APLP2: variants seen among roughly 807,000 people sequenced by gnomAD.
The protein encoded by APLP2 is CDEI box-binding protein.
APLP2 carries 53 observed loss-of-function variants against 89.9 expected under a neutral mutation model. The observed-to-expected ratio is 0.59, with a 90% CI of 0.47 to 0.74. The LOEUF (loss-of-function observed/expected upper bound fraction) is 0.74, where lower values mean the gene tolerates loss of function less well. Ranked by LOEUF, APLP2 falls within the 30% of genes least tolerant of loss-of-function variation. The pLI is 0.00. For synonymous variants in APLP2, 372 were observed against 348.6 expected, an observed-to-expected ratio of 1.07 and a Z score of -0.75; for missense variants, 973 against 975.9, an observed-to-expected ratio of 1.00 and a Z score of 0.04.
In APLP2 at chr11:130,110,216, A is replaced by G. The variant is rs531003527; in HGVS notation, c.280-322A>G. 3.3e-5 allele frequency among the ~76,000 whole-genome samples: 5 copies of G among 152,344 alleles called. No homozygotes were observed. In the South Asian group the frequency reaches 1.0e-3, roughly 32 times the overall value. On this transcript the variant is annotated intron_variant, in intron 2 of 16. Coordinates refer to ENST00000338167, the MANE Select transcript of APLP2 (RefSeq NM_001142276.2). ...CATAGACTTGCCTCACGGAGCCATC[A>G]GTTCAACAGCTACCCTACAAGCAAA...
intron 1 of APLP2, among the ~76,000 whole-genome samples, chr11:130,107,982 TA>T (rs1948020747): frequency 6.6e-6 from 1 of 152,220 alleles, no homozygotes; most frequent in Non-Finnish European, 1.5e-5. Context: ...CCCTATTTAA[TA>T]AATGGTGCTG....
chr11:130,093,133 C>G (rs771844108), intron 1 of APLP2, among the ~76,000 whole-genome samples: 7 of 152,150 alleles, frequency 4.6e-5, no homozygotes, highest in Non-Finnish European at 1.0e-4. Flanking sequence ...CTAACCAGGC[C>G]CGGGGCAGAG....
intron 1 of APLP2, 22 bp downstream of exon 1, chr11:130,070,104 G>A: frequency 7.3e-7 from 1 of 1,367,184 alleles, no homozygotes; most frequent in East Asian, 3.1e-5. Flanking sequence ...GCGAACGCCG[G>A]AGAGTCGTCT....
Position 130,104,242 on chromosome 11 carries a change from T to G in APLP2, c.106-5187T>G, listed in dbSNP as rs1947348116. ...TTTTTTTTTTTTTTTTTGAGACAGA[T>G]TCTCTGTCTCTGTTGCCCAGTCTGG... On this transcript the variant is annotated intron_variant, in intron 1 of 16. Coordinates refer to ENST00000338167, the MANE Select transcript of APLP2 (RefSeq NM_001142276.2). Among the ~76,000 whole-genome samples, 3 of 131,328 alleles carry G rather than the reference T, an allele frequency of 2.3e-5. No homozygotes were observed. The South Asian group carries it at 7.4e-4, about 33-fold the overall frequency. The allele number at this position is 131,328 out of a possible 152,430, so 86.2% of individuals were successfully genotyped here.
chr11:130,122,202 T>C (rs1051964122), intron 5 of APLP2, 103 bp from the exon 6 acceptor site: 2 of 1,378,190 alleles, frequency 1.5e-6, no homozygotes, highest in African/African-American at 2.9e-5. Context: ...GTTGAGCTTA[T>C]TTCCTGCCTC....
At chr11:130,099,550 G>A (rs1057349952) in intron 1 of APLP2, among the ~76,000 whole-genome samples, 1 of 152,176 alleles carries the variant, frequency 6.6e-6, no homozygotes, top group African/African-American at 2.4e-5. Flanking sequence ...CCAAGTCCCG[G>A]AAGCTGGGCT....
intron 1 of APLP2, among the ~76,000 whole-genome samples, chr11:130,078,570 A>G (rs1457805331): frequency 6.6e-6 from 1 of 152,050 alleles, no homozygotes; most frequent in African/African-American, 2.4e-5. Flanking sequence ...ATAGTCTCCT[A>G]TATTGTCAAT....
At chr11:130,122,279 T>A in intron 5 of APLP2, 26 bp from the exon 6 acceptor site, 1 of 1,612,920 alleles carries the variant, frequency 6.2e-7, no homozygotes, top group Non-Finnish European at 8.5e-7. Flanking sequence ...CTATTAACCT[T>A]CCTTTTTTTC....
intron 7 of APLP2, among the ~76,000 whole-genome samples, chr11:130,126,173 A>C (rs1950346516): frequency 6.6e-6 from 1 of 152,218 alleles, no homozygotes. Context: ...TTCTCTACCC[A>C]GCGTATATGC....
chr11:130,101,947 C>A (rs1351005080), intron 1 of APLP2: 1 of 456,218 alleles, frequency 2.2e-6, no homozygotes, highest in Admixed American at 2.3e-5. Flanking sequence ...CTGTTGCAGT[C>A]CCCGGTCTTT....
chr11:130,081,770 T>G (rs536088290), intron 1 of APLP2, among the ~76,000 whole-genome samples: 18 of 152,328 alleles, frequency 1.2e-4, no homozygotes, highest in African/African-American at 3.6e-4. Context: ...ACTGCCTATT[T>G]TGTAATTTAT....
At chr11:130,121,927 G>C (rs1591824997) in intron 5 of APLP2, 117 bp downstream of exon 5, 1 of 1,450,672 alleles carries the variant, frequency 6.9e-7, no homozygotes, top group East Asian at 2.3e-5. Context: ...CCTTTGTTCT[G>C]CTAGAGTTGA....
At chr11:130,115,583 A>G (rs998109139) in intron 3 of APLP2, among the ~76,000 whole-genome samples, 1 of 152,264 alleles carries the variant, frequency 6.6e-6, no homozygotes, top group East Asian at 1.9e-4. Flanking sequence ...TTCATTGATC[A>G]GCAAAAACAG....
intron 1 of APLP2, among the ~76,000 whole-genome samples, chr11:130,074,224 TTTC>T (rs1334376001): frequency 6.6e-6 from 1 of 152,174 alleles, no homozygotes; most frequent in African/African-American, 2.4e-5. Context: ...TTGTTTTGTT[TTTC>T]TTTTTTGAGT....
Position 130,101,556 on chromosome 11 carries a change from C to CT in APLP2, c.106-7873_106-7872insT, listed in dbSNP as rs1195796506. ...ATTTTACTTACTAGTTGTGCTACCT[C>CT]AAATTGTGTGTTCTCTTTTTGACAG... On this transcript the variant is annotated intron_variant, in intron 1 of 16. Coordinates refer to ENST00000338167, the MANE Select transcript of APLP2 (RefSeq NM_001142276.2). 9 of 163,276 alleles carry CT rather than the reference C, an allele frequency of 5.5e-5. No individual in the cohort carries two copies. In the South Asian group the frequency reaches 1.4e-3, roughly 25 times the overall value. 10.1% of individuals were successfully genotyped at this position (163,276 alleles called of 1,614,324 possible).
chr11:130,089,276 C>T (rs1461725099), intron 1 of APLP2, among the ~76,000 whole-genome samples: 3 of 152,214 alleles, frequency 2.0e-5, no homozygotes, highest in African/African-American at 7.2e-5. Flanking sequence ...TATACTTCAT[C>T]TTTCCTGATC....
In APLP2 at chr11:130,141,982, G is replaced by A. The variant is rs149639590; in HGVS notation, c.2062G>A (p.Val688Ile). ...TAGCAGTGCTCTCATTGGCCTGCTG[G>A]TCATCGCAGTGGCCATTGCCACGGT... ...LSSSALIGLLVIAVAIATVIV... is the reference protein window; with the variant it reads ...LSSSALIGLLIIAVAIATVIV... Residue 688 changes from valine to isoleucine, a missense_variant, in exon 16 of 17, where the codon GTC becomes ATC. Coordinates refer to ENST00000338167, the MANE Select transcript of APLP2 (RefSeq NM_001142276.2). The surrounding 1 kb of genome is among the most constrained non-coding windows in gnomAD (Gnocchi z 4.2). The A allele has an allele frequency of 2.5e-6, 4 of 1,613,966 alleles. No individual in the cohort carries two copies. Among genetic ancestry groups the A allele is most frequent in the Non-Finnish European group, 3.4e-6 (4 of 1,180,008 alleles).
At chr11:130,135,925 AAG>A in intron 13 of APLP2, among the ~76,000 whole-genome samples, 2 of 152,320 alleles carry the variant, frequency 1.3e-5, no homozygotes, top group South Asian at 4.1e-4. Flanking sequence ...CCATGAAGTT[AAG>A]ACTAATTCTC....
intron 10 of APLP2, 134 bp from the exon 11 acceptor site, chr11:130,129,904 C>G (rs1291288125): frequency 1.8e-5 from 18 of 1,019,308 alleles, no homozygotes; most frequent in Middle Eastern, 2.3e-4. Flanking sequence ...GCTAAAAAAG[C>G]CTTCCAGTTA....
Sources: allele counts gnomAD v4.1 joint callset (sites outside exome capture counted in the v4.1 genomes callset), GRCh38; gene constraint gnomAD v4.1.1; non-coding constraint Gnocchi (gnomAD v3.1); transcripts MANE v1.5; gene names NCBI Gene and HGNC (gene_info 2026-07-23, HGNC 2026-07-21).